MAP2: variants seen among roughly 807,000 people sequenced by gnomAD.
MAP2 encodes the protein microtubule-associated protein 2.
In MAP2, 14 loss-of-function variants were observed where a neutral mutation model predicts 137.6. That is an observed-to-expected ratio of 0.10 (90% CI 0.07 to 0.16). The LOEUF is 0.16. MAP2 is among the 10% of genes least tolerant of loss of function. The pLI, the probability that MAP2 is intolerant of heterozygous loss-of-function variation, is 1.00. For missense variants in MAP2, 2,088 were observed against 2,191.5 expected, an observed-to-expected ratio of 0.95 and a Z score of 0.94; for synonymous variants, 786 against 782.3, an observed-to-expected ratio of 1.00 and a Z score of -0.08.
At chr2:209,437,578 C>T (rs1696653006) in intron 1 of MAP2, among the ~76,000 whole-genome samples, 1 of 151,446 alleles carries the variant, frequency 6.6e-6, no homozygotes, top group African/African-American at 2.4e-5. Flanking sequence ...TTTTAACTGT[C>T]CTATTAAATC....
At chr2:209,500,614 T>C (rs1559242789) in intron 1 of MAP2, among the ~76,000 whole-genome samples, 1 of 152,248 alleles carries the variant, frequency 6.6e-6, no homozygotes, top group East Asian at 1.9e-4. Context: ...CCATCGTGGC[T>C]TTTTGTCTTT....
In MAP2 at chr2:209,705,911, A is replaced by G. The variant is rs189989955; in HGVS notation, c.4732+184A>G. Reference sequence around the variant, plus strand: ...CAAAATAGCTGTTTGAGTAAAAACAACTGATGGAGGAAATGGTAACATATT... The same window carrying G: ...CAAAATAGCTGTTTGAGTAAAAACAGCTGATGGAGGAAATGGTAACATATT... On this transcript the variant is annotated intron_variant, in intron 12 of 15. Transcript: ENST00000682079. Among the ~76,000 whole-genome samples, 776 of 152,326 alleles carry G rather than the reference A, an allele frequency of 5.1e-3. 12 individuals are homozygous for G. Among genetic ancestry groups the G allele is most frequent in the African/African-American group, 0.017 (725 of 41,580 alleles).
intron 1 of MAP2, among the ~76,000 whole-genome samples, chr2:209,427,664 T>A (rs1291868537): frequency 6.6e-6 from 1 of 152,262 alleles, no homozygotes; most frequent in Non-Finnish European, 1.5e-5. Context: ...AGGAGAGCAC[T>A]TATTACCATT....
intron 3 of MAP2, among the ~76,000 whole-genome samples, chr2:209,610,490 A>G (rs2086464701): frequency 6.6e-6 from 1 of 151,778 alleles, no homozygotes; most frequent in Non-Finnish European, 1.5e-5. Flanking sequence ...AAGAAAGGCG[A>G]AATTTGCTGG....
intron 2 of MAP2, among the ~76,000 whole-genome samples, chr2:209,527,113 A>G (rs2365661): frequency 0.2 from 30,719 of 152,058 alleles, 3,757 homozygotes; most frequent in South Asian, 0.27. Flanking sequence ...AAAGTTACAC[A>G]TTAGAATTGT....
intron 5 of MAP2, among the ~76,000 whole-genome samples, chr2:209,668,032 C>T (rs549719813): frequency 6.6e-6 from 1 of 152,138 alleles, no homozygotes; most frequent in Admixed American, 6.6e-5. Flanking sequence ...TTTTTCTCAA[C>T]TCTACCACTC....
At chr2:209,493,939 A>G (rs1423265138) in intron 1 of MAP2, among the ~76,000 whole-genome samples, 1 of 152,228 alleles carries the variant, frequency 6.6e-6, no homozygotes, top group Non-Finnish European at 1.5e-5. Context: ...CTGGGTATAT[A>G]CCCAAAGGAT....
At position 209,653,219 on chromosome 2, in the gene MAP2, G is replaced by A. The variant is rs1295775456; in HGVS notation, c.49G>A (p.Ala17Thr). 1 of 1,613,852 alleles carries A rather than the reference G, an allele frequency of 6.2e-7. No individual in the cohort carries two copies. Among genetic ancestry groups the A allele is most frequent in the South Asian group, 1.1e-5 (1 of 91,026 alleles). ...DEAKAPHWTSAPLTEASAHSH... is the reference protein window; with the variant it reads ...DEAKAPHWTSTPLTEASAHSH... The stretch of plus-strand genomic sequence containing the variant: ...AGCAAAGGCACCTCACTGGACCTCA[G>A]CACCGCTAACAGAGGCATCTGCACA... Residue 17 changes from alanine to threonine, a missense_variant, in exon 5 of 16, where the codon GCA (alanine) becomes ACA (threonine). Physicochemically the swap from Ala to Thr is moderately conservative, Grantham distance 58 (BLOSUM62 0). This residue lies in a region of MAP2 where 859 missense variants were observed against 794.5 expected (regional missense o/e 1.08). Transcript: ENST00000682079.
chr2:209,596,766 A>T (rs1478413521), intron 3 of MAP2, among the ~76,000 whole-genome samples: 1 of 152,194 alleles, frequency 6.6e-6, no homozygotes, highest in Non-Finnish European at 1.5e-5. Context: ...TGAAGCGCTA[A>T]CTCAAAGCGA....
At chr2:209,469,100 C>T (rs34173247) in intron 1 of MAP2, among the ~76,000 whole-genome samples, 4,617 of 152,232 alleles carry the variant, frequency 0.03, 89 homozygotes, top group South Asian at 0.069. Context: ...ATTTTAAATG[C>T]GTGAATCCTC....
At chr2:209,435,949 A>ATATATACAGTATATATTATATATAT in intron 1 of MAP2, among the ~76,000 whole-genome samples, 1 of 64,612 alleles carries the variant, frequency 1.5e-5, no homozygotes, top group East Asian at 1.7e-3. Flanking sequence ...AATATATACT[A>ATATATACAGTATATATTATATATAT]TATATACAGT....
At chr2:209,539,055 C>T (rs879825528) in intron 2 of MAP2, among the ~76,000 whole-genome samples, 1 of 152,082 alleles carries the variant, frequency 6.6e-6, no homozygotes, top group East Asian at 1.9e-4. Context: ...ATATTTAAGG[C>T]AGAACACAAT....
intron 3 of MAP2, among the ~76,000 whole-genome samples, chr2:209,590,897 T>A (rs1194632072): frequency 6.6e-6 from 1 of 152,198 alleles, no homozygotes; most frequent in Non-Finnish European, 1.5e-5. Flanking sequence ...CTCCTCTTCA[T>A]GGTCATTATT....
intron 11 of MAP2, chr2:209,704,333 A>G: frequency 5.2e-6 from 4 of 765,630 alleles, no homozygotes; most frequent in East Asian, 5.5e-5. Context: ...ACCATTTATC[A>G]TGTGTTCTTA....
intron 1 of MAP2, among the ~76,000 whole-genome samples, chr2:209,457,543 G>A (rs1000692966): frequency 1.5e-4 from 23 of 152,134 alleles, no homozygotes; most frequent in Admixed American, 1.3e-4. Context: ...TCAACCGGTG[G>A]TCATATAATG....
intron 3 of MAP2, among the ~76,000 whole-genome samples, chr2:209,613,709 A>C (rs552429570): frequency 1.3e-5 from 2 of 152,192 alleles, no homozygotes; most frequent in African/African-American, 2.4e-5. Context: ...AAAAGATAAA[A>C]CATTTTGAAG....
intron 1 of MAP2, among the ~76,000 whole-genome samples, chr2:209,441,757 T>G (rs1293027152): frequency 6.6e-6 from 1 of 151,542 alleles, no homozygotes; most frequent in Admixed American, 6.6e-5. Flanking sequence ...CTAGGACACT[T>G]AGAAGTTGAA....
chr2:209,627,548 T>C (rs989132697), intron 4 of MAP2, among the ~76,000 whole-genome samples: 1 of 152,192 alleles, frequency 6.6e-6, no homozygotes, highest in African/African-American at 2.4e-5. Context: ...CTCAAGATCA[T>C]ATAATGATTG....
chr2:209,614,293 T>C (rs1048450939), intron 3 of MAP2, among the ~76,000 whole-genome samples: 4 of 152,170 alleles, frequency 2.6e-5, no homozygotes, highest in African/African-American at 9.7e-5. Flanking sequence ...ACTGACTGAA[T>C]AACAGAAGAA....
Sources: allele counts gnomAD v4.1 joint callset (sites outside exome capture counted in the v4.1 genomes callset), GRCh38; gene constraint gnomAD v4.1.1; regional missense constraint gnomAD v4.1.1; transcripts MANE v1.5; gene names NCBI Gene and HGNC (gene_info 2026-07-23, HGNC 2026-07-21).